KDM3A: variants seen among roughly 807,000 people sequenced by gnomAD.
The protein encoded by KDM3A is lysine demethylase 3A.
KDM3A carries 60 observed loss-of-function variants against 158.0 expected under a neutral mutation model. That is an observed-to-expected ratio of 0.38 (90% CI 0.31 to 0.47). KDM3A has a LOEUF of 0.47. KDM3A is among the 20% of genes least tolerant of loss of function. KDM3A has a pLI of 0.99. For synonymous variants in KDM3A, 608 were observed against 549.3 expected, an observed-to-expected ratio of 1.11 and a Z score of -1.49; for missense variants, 1,319 against 1,574.3, an observed-to-expected ratio of 0.84 and a Z score of 2.74.
In KDM3A at chr2:86,451,094, T is replaced by C. The variant is rs1476830717; in HGVS notation, c.343-9T>C. 6 of 1,577,814 alleles carry C rather than the reference T, an allele frequency of 3.8e-6. No homozygotes were observed. The highest frequency in any genetic ancestry group is 5.2e-6 in the Non-Finnish European group (6 of 1,163,502). ...AGTTATGATGCTAAAGTGTTTTCTT[T>C]TGTTTTAGACGTACAAACCTCTGTT... On this transcript the variant is annotated splice_polypyrimidine_tract_variant and intron_variant, in intron 3 of 25. Coordinates refer to ENST00000312912, the MANE Select transcript of KDM3A (RefSeq NM_018433.6).
At chr2:86,460,886 C>T (rs1025610895) in intron 8 of KDM3A, 1 of 152,126 alleles carries the variant, frequency 6.6e-6, no homozygotes, top group African/African-American at 2.4e-5. Context: ...GAGGTGCACT[C>T]GTGAACATGG....
At chr2:86,459,769 CT>C (rs1180870408) in intron 8 of KDM3A, among the ~76,000 whole-genome samples, 2 of 152,204 alleles carry the variant, frequency 1.3e-5, no homozygotes, top group Non-Finnish European at 1.5e-5. Flanking sequence ...AGAAGCATTA[CT>C]TTTTTATCTT....
At chr2:86,487,221 C>G (rs866433860) in intron 21 of KDM3A, 1 of 152,220 alleles carries the variant, frequency 6.6e-6, no homozygotes, top group Non-Finnish European at 1.5e-5. Context: ...ACTAGCTTGG[C>G]AGCGGGTCTT....
At chr2:86,440,125 T>G (rs1308147896), upstream of KDM3A, among the ~76,000 whole-genome samples, 2 of 152,206 alleles carry the variant, frequency 1.3e-5, no homozygotes, top group Non-Finnish European at 2.9e-5. Context: ...GATAGGTTTT[T>G]TCTTCTCATT....
At chr2:86,450,337 C>G (rs567876809) in intron 3 of KDM3A, among the ~76,000 whole-genome samples, 23 of 152,332 alleles carry the variant, frequency 1.5e-4, no homozygotes, top group African/African-American at 5.5e-4. Flanking sequence ...CTTAAAAAAT[C>G]TACAAGATAA....
At chr2:86,463,748 G>T (rs576086489) in intron 8 of KDM3A, among the ~76,000 whole-genome samples, 33 of 152,320 alleles carry the variant, frequency 2.2e-4, no homozygotes, top group African/African-American at 7.5e-4. Flanking sequence ...TCACCTCTGC[G>T]TTGCATTAGT....
Position 86,481,746 on chromosome 2 carries a change from ATTG to A in KDM3A, c.2513-181_2513-179del, listed in dbSNP as rs562080390. Reference sequence around the variant, plus strand: ...CAAAATTCCATTGTACTGGATAGTTATTGTTTTTAACATCAGTGAGGAATCGTC... The same window carrying A: ...CAAAATTCCATTGTACTGGATAGTTATTTTTAACATCAGTGAGGAATCGTC... On this transcript the variant is annotated intron_variant, in intron 16 of 25. Transcript: ENST00000312912. Among the ~76,000 whole-genome samples the A allele has an allele frequency of 1.4e-4, 22 of 152,314 alleles. No homozygotes were observed. The East Asian group carries it at 4.2e-3, about 29-fold the overall frequency.
In KDM3A at chr2:86,478,699, C is replaced by CT; in HGVS notation, c.2284dup (p.Ser762PhefsTer88). 6.2e-7 allele frequency: 1 copy of CT among 1,614,070 alleles called. No homozygotes were observed. The highest frequency in any genetic ancestry group is 8.5e-7 in the Non-Finnish European group (1 of 1,179,928). ...CTTGTTCAAACAGGCAATTCAAACT[C>CT]TTTTCAAAGCCAGCCTCAAAGGAAG... On this transcript the variant is annotated frameshift_variant, in exon 15 of 26. Coordinates refer to ENST00000312912, the MANE Select transcript of KDM3A (RefSeq NM_018433.6). LOFTEE classifies it high-confidence loss of function.
intron 17 of KDM3A, among the ~76,000 whole-genome samples, 170 bp from the exon 18 acceptor site, chr2:86,482,288 T>A (rs1673968476): frequency 6.6e-6 from 1 of 152,208 alleles, no homozygotes; most frequent in Non-Finnish European, 1.5e-5. Context: ...CACTTTCTCC[T>A]GTTACCTCAC....
At chr2:86,464,298 T>G in intron 9 of KDM3A, 82 bp downstream of exon 9, 18 of 1,080,496 alleles carry the variant, frequency 1.7e-5, no homozygotes, top group Non-Finnish European at 2.1e-5. Context: ...TATCCCTGGT[T>G]GTCCAGGGAG....
In KDM3A at chr2:86,478,389, A is replaced by T. The variant is rs1296113351; in HGVS notation, c.2188+124A>T. ...AGTGTGTATTGTAAGTTGTCCAGAA[A>T]TATATTAGATAATTCCTCCAACACT... On this transcript the variant is annotated intron_variant, in intron 14 of 25. Transcript: ENST00000312912. 18 of 841,968 alleles carry T rather than the reference A, an allele frequency of 2.1e-5. No homozygotes were observed. The East Asian group carries it at 4.4e-4, about 20-fold the overall frequency. The allele number at this position is 841,968 out of a possible 1,614,324, so 52.2% of individuals were successfully genotyped here.
chr2:86,452,789 C>T (rs939709724), intron 4 of KDM3A, among the ~76,000 whole-genome samples: 1 of 152,190 alleles, frequency 6.6e-6, no homozygotes, highest in Non-Finnish European at 1.5e-5. Context: ...ACTTGAGTCT[C>T]ATCCATACTT....
At chr2:86,480,635 TAATG>T (rs1295978175) in intron 16 of KDM3A, among the ~76,000 whole-genome samples, 3 of 152,228 alleles carry the variant, frequency 2.0e-5, no homozygotes, top group Non-Finnish European at 2.9e-5. Context: ...AGCAAAATTT[TAATG>T]AATCAAATTT....
chr2:86,454,382 G>T (rs756645386), intron 4 of KDM3A, among the ~76,000 whole-genome samples: 2 of 152,126 alleles, frequency 1.3e-5, no homozygotes, highest in African/African-American at 2.4e-5. Context: ...ACAGCCATGG[G>T]TTTACTAATG....
chr2:86,481,879 G>A (rs1372795368), intron 16 of KDM3A, 51 bp from the exon 17 acceptor site: 2 of 1,411,580 alleles, frequency 1.4e-6, no homozygotes, highest in South Asian at 2.4e-5. Flanking sequence ...ACTAATAAGG[G>A]ATTTGCCTTT....
intron 15 of KDM3A, chr2:86,479,432 C>G (rs146345389): frequency 6.6e-6 from 1 of 152,184 alleles, no homozygotes; most frequent in Non-Finnish European, 1.5e-5. Flanking sequence ...CTTCCACGTG[C>G]TAGTTGTGTT....
intron 5 of KDM3A, among the ~76,000 whole-genome samples, chr2:86,455,559 A>C (rs1007183033): frequency 3.9e-5 from 6 of 152,112 alleles, no homozygotes; most frequent in African/African-American, 1.4e-4. Context: ...TTCTAAAATA[A>C]ATTTTTAAGA....
intron 15 of KDM3A, chr2:86,479,885 C>A (rs1176908944): frequency 5.5e-6 from 2 of 363,054 alleles, no homozygotes; most frequent in Non-Finnish European, 1.0e-5. Flanking sequence ...TTTAAACCAG[C>A]ATGGTACATA....
At chr2:86,468,426 C>T (rs529730448) in intron 10 of KDM3A, among the ~76,000 whole-genome samples, 15 of 152,226 alleles carry the variant, frequency 9.9e-5, no homozygotes, top group Admixed American at 7.2e-4. Context: ...TATTATGTGA[C>T]GAAACAGTAA....
Sources: allele counts gnomAD v4.1 joint callset (sites outside exome capture counted in the v4.1 genomes callset), GRCh38; gene constraint gnomAD v4.1.1; transcripts MANE v1.5; gene names NCBI Gene and HGNC (gene_info 2026-07-23, HGNC 2026-07-21).